SPMIP11: variants seen among roughly 807,000 people sequenced by gnomAD.
The protein encoded by SPMIP11 is long intergenic non-protein coding RNA 935.
chr12:48,740,738 T>C, the SPMIP11 span, among the ~76,000 whole-genome samples: 1 of 151,666 alleles, frequency 6.6e-6, no homozygotes, highest in Admixed American at 6.6e-5. Flanking sequence ...AATACAAAAA[T>C]TAGCCAGGCA....
At chr12:48,764,949 T>C in the SPMIP11 span, 4 of 702,882 alleles carry the variant, frequency 5.7e-6, no homozygotes, top group South Asian at 1.5e-5. Context: ...AACCATGCCA[T>C]GGATCCGGAG....
the SPMIP11 span, among the ~76,000 whole-genome samples, chr12:48,747,772 C>T: frequency 6.6e-6 from 1 of 152,140 alleles, no homozygotes; most frequent in Admixed American, 6.6e-5. Context: ...TTTCTTGAAG[C>T]CACTTGAATT....
chr12:48,746,042 A>G, the SPMIP11 span, among the ~76,000 whole-genome samples: 2 of 152,232 alleles, frequency 1.3e-5, no homozygotes, highest in African/African-American at 2.4e-5. Context: ...GCCACTGTGT[A>G]AGACACTGGA....
At chr12:48,728,457 C>T in the SPMIP11 span, among the ~76,000 whole-genome samples, 1 of 152,036 alleles carries the variant, frequency 6.6e-6, no homozygotes, top group Non-Finnish European at 1.5e-5. Flanking sequence ...GCCTGTAATC[C>T]CAACACTTTG....
chr12:48,742,518 G>C, the SPMIP11 span, among the ~76,000 whole-genome samples: 3 of 151,728 alleles, frequency 2.0e-5, no homozygotes, highest in Non-Finnish European at 4.4e-5. Context: ...CTGACCTCGT[G>C]ATCTGCCTAC....
the SPMIP11 span, among the ~76,000 whole-genome samples, chr12:48,763,319 G>A: frequency 3.0e-4 from 45 of 152,088 alleles, no homozygotes; most frequent in African/African-American, 8.9e-4. Context: ...TACTACAGGC[G>A]TGCACCATCA....
At chr12:48,744,248 CAAAAAAAA>C in the SPMIP11 span, among the ~76,000 whole-genome samples, 5 of 98,250 alleles carry the variant, frequency 5.1e-5, no homozygotes, top group Admixed American at 1.1e-4. Context: ...AGCAACCTCT[CAAAAAAAA>C]AAAAAAAAAA....
At chr12:48,736,102 T>C in the SPMIP11 span, 5 of 453,604 alleles carry the variant, frequency 1.1e-5, no homozygotes, top group Non-Finnish European at 2.2e-5. Context: ...TTTTTGTTTA[T>C]CCCTAGAGTT....
At chr12:48,742,277 CCTTT>C in the SPMIP11 span, among the ~76,000 whole-genome samples, 8 of 87,206 alleles carry the variant, frequency 9.2e-5, no homozygotes, top group African/African-American at 3.2e-4. Flanking sequence ...CTTTTCTTTT[CCTTT>C]TTTTTTTTTT....
At chr12:48,731,933 G>A in the SPMIP11 span, among the ~76,000 whole-genome samples, 1 of 152,074 alleles carries the variant, frequency 6.6e-6, no homozygotes, top group African/African-American at 2.4e-5. Context: ...CAGATCACTA[G>A]AGGCCAGGAA....
chr12:48,756,293 C>A, the SPMIP11 span, among the ~76,000 whole-genome samples: 1 of 152,078 alleles, frequency 6.6e-6, no homozygotes. Flanking sequence ...TTGCTATAAC[C>A]TGTGATGAAG....
chr12:48,751,519 T>A, the SPMIP11 span, among the ~76,000 whole-genome samples: 37 of 152,058 alleles, frequency 2.4e-4, no homozygotes, highest in African/African-American at 8.7e-4. Flanking sequence ...GGTGGGAGGA[T>A]CACTTGAGCC....
At chr12:48,744,105 G>A in the SPMIP11 span, among the ~76,000 whole-genome samples, 6 of 151,466 alleles carry the variant, frequency 4.0e-5, no homozygotes, top group East Asian at 2.0e-4. Context: ...AAAAATAGCC[G>A]GGCATGGTGG....
chr12:48,730,146 C>T, the SPMIP11 span, among the ~76,000 whole-genome samples: 40 of 152,220 alleles, frequency 2.6e-4, 1 homozygote, highest in African/African-American at 9.4e-4. Flanking sequence ...GCTACTTAAG[C>T]ACTGTTGAAC....
the SPMIP11 span, among the ~76,000 whole-genome samples, chr12:48,752,079 AC>A: frequency 0.042 from 6,195 of 148,932 alleles, 488 homozygotes; most frequent in African/African-American, 0.15. Flanking sequence ...AAAAAAAAAA[AC>A]AAACAAACAA....
the SPMIP11 span, chr12:48,759,376 T>C: frequency 1.4e-5 from 10 of 699,778 alleles, no homozygotes; most frequent in Admixed American, 1.4e-4. Context: ...AAAAAAGATA[T>C]GTCTGAGTTC....
At chr12:48,736,245 C>T in the SPMIP11 span, 20 of 308,478 alleles carry the variant, frequency 6.5e-5, no homozygotes, top group Non-Finnish European at 1.2e-4. Flanking sequence ...CTCTACCCCG[C>T]AAAAAAACAC....
chr12:48,770,803 G>C, the SPMIP11 span: 1 of 1,614,188 alleles, frequency 6.2e-7, no homozygotes. Context: ...AGTGCTCATT[G>C]ATGTGCTTCA....
chr12:48,747,798 T>C, the SPMIP11 span, among the ~76,000 whole-genome samples: 1 of 152,206 alleles, frequency 6.6e-6, no homozygotes, highest in African/African-American at 2.4e-5. Flanking sequence ...AGAGTTGAAG[T>C]CTGTGCTCAC....
Sources: gnomAD v4.1 joint callset for allele counts (sites outside exome capture counted in the v4.1 genomes callset) on GRCh38, gnomAD v4.1.1 for gene constraint, MANE v1.5 for transcripts, NCBI Gene and HGNC (gene_info 2026-07-23, HGNC 2026-07-21) for gene names.